The following NCOA1 variants were observed in gnomAD, a reference collection of about 807,000 sequenced individuals.
NCOA1 encodes nuclear receptor coactivator 1.
In NCOA1, 35 loss-of-function variants were observed where a neutral mutation model predicts 150.9. The ratio of observed to expected loss-of-function variants is 0.23; its 90% confidence interval spans 0.18 to 0.31. The LOEUF is 0.31. Among genes scored for constraint, NCOA1 ranks in the 10% least tolerant of loss-of-function variants. NCOA1 has a pLI of 1.00. For missense variants in NCOA1, 1,491 were observed against 1,749.3 expected (o/e 0.85, Z 2.63); for synonymous variants, 590 against 630.0 (o/e 0.94, Z 0.95).
At chr2:24,710,401 A>G (rs1673689163) in intron 13 of NCOA1, among the ~76,000 whole-genome samples, 1 of 152,146 alleles carries the variant, frequency 6.6e-6, no homozygotes, top group African/African-American at 2.4e-5. Context: ...CTCCCTATCT[A>G]TTCTAAAAGA....
intron 1 of NCOA1, among the ~76,000 whole-genome samples, chr2:24,502,886 G>T (rs981024469): frequency 2.0e-5 from 3 of 152,096 alleles, no homozygotes; most frequent in Non-Finnish European, 4.4e-5. Flanking sequence ...TGAACTCTCA[G>T]TATTTATTTT....
chr2:24,706,750 A>G lies in NCOA1; in HGVS notation c.1280A>G (p.His427Arg), dbSNP rs149553409. 5 of 1,614,096 alleles carry G rather than the reference A, an allele frequency of 3.1e-6. No homozygotes were observed. Among genetic ancestry groups the G allele is most frequent in the Non-Finnish European group, 4.2e-6 (5 of 1,180,042 alleles). Residue 427 changes from histidine (H) to arginine (R), a missense_variant, in exon 13 of 23, where the codon CAT (histidine) becomes CGT (arginine). By Grantham distance (29) the His-to-Arg change is conservative. Around this residue, in one of 8 missense-constraint regions of NCOA1, gnomAD observed 703 missense variants for 717.7 expected, o/e 0.98. Coordinates refer to ENST00000348332, the MANE Select transcript of NCOA1 (RefSeq NM_003743.5). Reference protein sequence around the residue: ...RINRQQSSDLHSSSHSNSSNS... With the variant: ...RINRQQSSDLRSSSHSNSSNS... The stretch of plus-strand genomic sequence containing the variant: ...AACCGCCAGCAGAGCTCAGACCTTC[A>G]TAGCAGCAGTCATAGTAATTCTAGC...
chr2:24,713,408 A>T (rs556144005), intron 14 of NCOA1, among the ~76,000 whole-genome samples: 1 of 152,278 alleles, frequency 6.6e-6, no homozygotes, highest in South Asian at 2.1e-4. Flanking sequence ...CTTGTACCAA[A>T]GCTTGTCATC....
At chr2:24,554,970 G>A (rs759706828) in intron 1 of NCOA1, among the ~76,000 whole-genome samples, 1 of 152,072 alleles carries the variant, frequency 6.6e-6, no homozygotes, top group Non-Finnish European at 1.5e-5. Flanking sequence ...GTTGTCTGGG[G>A]TAAATACCCG....
In NCOA1 at chr2:24,768,687, A is replaced by G. The variant is rs1440534932; in HGVS notation, c.*296A>G. ...ATTATTCTTATTTTTGTAATCAGTC[A>G]TTGGCTTCTTATCTGGATGAAGGCT... On this transcript the variant is annotated 3_prime_UTR_variant, in exon 23 of 23. Coordinates refer to ENST00000348332, the MANE Select transcript of NCOA1 (RefSeq NM_003743.5). The G allele has an allele frequency of 2.3e-5, 5 of 220,554 alleles. No individual in the cohort carries two copies. The South Asian group carries it at 5.0e-4, about 22-fold the overall frequency. 13.7% of individuals were successfully genotyped at this position (220,554 alleles called of 1,614,324 possible).
chr2:24,693,133 C>T (rs774942816), intron 9 of NCOA1, 119 bp from the exon 10 acceptor site: 28 of 897,458 alleles, frequency 3.1e-5, no homozygotes, highest in Non-Finnish European at 3.8e-5. Flanking sequence ...GGATTACAGG[C>T]GTGAGCCACC....
intron 3 of NCOA1, among the ~76,000 whole-genome samples, chr2:24,601,546 T>G (rs1668117376): frequency 6.6e-6 from 1 of 151,692 alleles, no homozygotes; most frequent in South Asian, 2.1e-4. Context: ...CACATCTTTT[T>G]CTGACAGTTT....
chr2:24,567,055 A>G (rs567838346), intron 2 of NCOA1, among the ~76,000 whole-genome samples: 91 of 152,244 alleles, frequency 6.0e-4, no homozygotes, highest in South Asian at 2.5e-3. Context: ...CACTTACCCC[A>G]CTGCAGCTGC....
intron 3 of NCOA1, among the ~76,000 whole-genome samples, chr2:24,641,417 G>A (rs373181764): frequency 1.9e-4 from 29 of 151,654 alleles, no homozygotes; most frequent in East Asian, 5.8e-4. Context: ...TACATAGTCC[G>A]TTTTATTTAC....
At chr2:24,518,000 T>C (rs138246063) in intron 1 of NCOA1, among the ~76,000 whole-genome samples, 1 of 152,248 alleles carries the variant, frequency 6.6e-6, no homozygotes, top group Non-Finnish European at 1.5e-5. Context: ...ATTCTTACTA[T>C]GTGTTTTTGT....
At chr2:24,743,177 C>A (rs1663699460) in intron 19 of NCOA1, among the ~76,000 whole-genome samples, 1 of 152,076 alleles carries the variant, frequency 6.6e-6, no homozygotes, top group Admixed American at 6.6e-5. Flanking sequence ...TGAAATAAAT[C>A]CCTTGATTAT....
chr2:24,515,692 A>T (rs982377160), intron 1 of NCOA1, among the ~76,000 whole-genome samples: 1 of 152,196 alleles, frequency 6.6e-6, no homozygotes, highest in African/African-American at 2.4e-5. Flanking sequence ...AGAATATTGG[A>T]ACATTATGGA....
intron 1 of NCOA1, among the ~76,000 whole-genome samples, chr2:24,548,378 C>T (rs902741297): frequency 6.6e-6 from 1 of 152,322 alleles, no homozygotes; most frequent in Admixed American, 6.5e-5. Flanking sequence ...TACCTCCTAC[C>T]AGGTCTTTCC....
At chr2:24,754,359 G>T (rs1297575997) in intron 20 of NCOA1, among the ~76,000 whole-genome samples, 2 of 151,520 alleles carry the variant, frequency 1.3e-5, no homozygotes, top group East Asian at 3.9e-4. Flanking sequence ...CTTGTTCCTG[G>T]ATACCTCTCT....
At chr2:24,542,976 T>C (rs977332006) in intron 1 of NCOA1, among the ~76,000 whole-genome samples, 1 of 152,184 alleles carries the variant, frequency 6.6e-6, no homozygotes, top group African/African-American at 2.4e-5. Flanking sequence ...ATTTAAGCAT[T>C]TGTTGTGCTG....
At chr2:24,715,841 C>G (rs984886308) in intron 14 of NCOA1, among the ~76,000 whole-genome samples, 1 of 151,988 alleles carries the variant, frequency 6.6e-6, no homozygotes, top group Non-Finnish European at 1.5e-5. Context: ...AATGTAATCC[C>G]AATAACAATC....
At chr2:24,735,846 G>A (rs575272431) in intron 17 of NCOA1, among the ~76,000 whole-genome samples, 1 of 152,224 alleles carries the variant, frequency 6.6e-6, no homozygotes, top group Non-Finnish European at 1.5e-5. Flanking sequence ...AAATATATCC[G>A]TAATATCAGT....
intron 13 of NCOA1, among the ~76,000 whole-genome samples, chr2:24,710,299 C>T (rs773976601): frequency 1.6e-4 from 24 of 151,908 alleles, no homozygotes; most frequent in Non-Finnish European, 2.9e-4. Flanking sequence ...GCCATGTTGG[C>T]CAGGCTGGTC....
intron 1 of NCOA1, among the ~76,000 whole-genome samples, chr2:24,547,389 G>T (rs910704251): frequency 6.6e-6 from 1 of 152,008 alleles, no homozygotes; most frequent in Non-Finnish European, 1.5e-5. Context: ...TTATTTAGTT[G>T]CAAATCTTCC....
Sources: gnomAD v4.1 joint callset for allele counts (sites outside exome capture counted in the v4.1 genomes callset) on GRCh38, gnomAD v4.1.1 for gene constraint, gnomAD v4.1.1 regional missense constraint, MANE v1.5 for transcripts, NCBI Gene and HGNC (gene_info 2026-07-23, HGNC 2026-07-21) for gene names.